Variants in MAPK10 observed in about 807,000 individuals in gnomAD.
The protein encoded by MAPK10 is mitogen-activated protein kinase 10.
Under a neutral mutation model 59.3 loss-of-function variants are expected in MAPK10, and 25 were observed. The ratio of observed to expected loss-of-function variants is 0.42; its 90% CI spans 0.31 to 0.59. The LOEUF is 0.59. MAPK10 is among the 20% of genes least tolerant of loss of function. The probability of loss-of-function intolerance (pLI) is 0.15; values close to 1 mark genes in which losing one functional copy is unlikely to be tolerated. For missense variants in MAPK10, 351 were observed against 568.9 expected, an observed-to-expected ratio of 0.62 and a Z score of 3.90; for synonymous variants, 190 against 200.5, an observed-to-expected ratio of 0.95 and a Z score of 0.44.
chr4:86,040,133 C>CA (rs1206887187), intron 11 of MAPK10, among the ~76,000 whole-genome samples: 2 of 151,684 alleles, frequency 1.3e-5, no homozygotes, highest in African/African-American at 4.8e-5. Context: ...CATAAACCAC[C>CA]AAAAAAATAC....
chr4:86,376,014 T>C (rs1739755484), intron 1 of MAPK10, among the ~76,000 whole-genome samples: 1 of 152,194 alleles, frequency 6.6e-6, no homozygotes, highest in South Asian at 2.1e-4. Context: ...CTATTCTGGG[T>C]ATTATCTCAT....
At chr4:86,465,501 T>A (rs1011806621) in intron 1 of MAPK10, among the ~76,000 whole-genome samples, 1 of 152,214 alleles carries the variant, frequency 6.6e-6, no homozygotes, top group African/African-American at 2.4e-5. Flanking sequence ...GAATCTAGCA[T>A]TAATAATTTT....
chr4:86,586,309 A>G (rs1392592735), intron 1 of MAPK10, among the ~76,000 whole-genome samples: 1 of 152,160 alleles, frequency 6.6e-6, no homozygotes, highest in Non-Finnish European at 1.5e-5. Flanking sequence ...ACACCCCTTT[A>G]GTACTACATA....
intron 1 of MAPK10, among the ~76,000 whole-genome samples, chr4:86,525,378 G>C (rs1467672047): frequency 6.6e-6 from 1 of 152,170 alleles, no homozygotes; most frequent in Non-Finnish European, 1.5e-5. Flanking sequence ...AGAGGGATGA[G>C]AGTGAGGAGG....
At chr4:86,442,854 C>T (rs982235462) in intron 1 of MAPK10, among the ~76,000 whole-genome samples, 19 of 152,224 alleles carry the variant, frequency 1.2e-4, no homozygotes, top group South Asian at 4.1e-4. Context: ...ATAAAAATAA[C>T]GCCACTGAGC....
At chr4:86,339,033 C>G (rs1219642804) in intron 2 of MAPK10, among the ~76,000 whole-genome samples, 4 of 152,134 alleles carry the variant, frequency 2.6e-5, no homozygotes, top group African/African-American at 7.2e-5. Context: ...GATTGAGAAT[C>G]TGAATCTGCT....
chr4:86,317,240 G>A (rs1335539275), intron 2 of MAPK10, among the ~76,000 whole-genome samples: 7 of 152,058 alleles, frequency 4.6e-5, no homozygotes, highest in African/African-American at 1.4e-4. Flanking sequence ...TTCTATTAGA[G>A]TCTCTCTCCT....
intron 1 of MAPK10, among the ~76,000 whole-genome samples, chr4:86,477,154 A>T (rs895693688): frequency 6.6e-6 from 1 of 151,674 alleles, no homozygotes; most frequent in Non-Finnish European, 1.5e-5. Flanking sequence ...TCCCCTTCTT[A>T]ATCAATACAG....
At chr4:86,405,790 ATC>A (rs1435863564) in intron 1 of MAPK10, among the ~76,000 whole-genome samples, 4 of 152,182 alleles carry the variant, frequency 2.6e-5, no homozygotes, top group African/African-American at 9.6e-5. Context: ...AAAGAGTAGA[ATC>A]TCTGTTTATA....
At chr4:86,149,613 A>G (rs1445499756) in intron 4 of MAPK10, among the ~76,000 whole-genome samples, 1 of 152,204 alleles carries the variant, frequency 6.6e-6, no homozygotes, top group African/African-American at 2.4e-5. Context: ...ACTAGAAAAG[A>G]CAGTTCCCTA....
chr4:86,084,646 AC>A (rs1355667486), intron 9 of MAPK10, among the ~76,000 whole-genome samples: 1 of 152,150 alleles, frequency 6.6e-6, no homozygotes, highest in Non-Finnish European at 1.5e-5. Flanking sequence ...GATTGGAAAA[AC>A]CAATATTGTT....
intron 6 of MAPK10, 108 bp from the exon 7 acceptor site, chr4:86,102,140 T>A: frequency 2.1e-6 from 2 of 974,318 alleles, no homozygotes; most frequent in Non-Finnish European, 3.2e-6. Flanking sequence ...ACTTCTTAGC[T>A]CTGCCTTTGA....
intron 4 of MAPK10, 32 bp from the exon 5 acceptor site, chr4:86,107,384 G>A: frequency 6.3e-7 from 1 of 1,590,910 alleles, no homozygotes; most frequent in Non-Finnish European, 8.5e-7. Context: ...TCAGAATTAA[G>A]AACAAAAGAT....
chr4:86,296,490 G>T (rs562507662), intron 2 of MAPK10, among the ~76,000 whole-genome samples: 139 of 152,250 alleles, frequency 9.1e-4, no homozygotes, highest in African/African-American at 3.2e-3. Flanking sequence ...TCACCCTTCT[G>T]ATAAAATGGA....
chr4:86,386,325 A>T (rs1741461672), intron 1 of MAPK10, among the ~76,000 whole-genome samples: 1 of 152,204 alleles, frequency 6.6e-6, no homozygotes, highest in Non-Finnish European at 1.5e-5. Context: ...AGTTAGCAGG[A>T]ATGCTCAGGT....
chr4:86,165,257 A>C (rs753266893), intron 3 of MAPK10, among the ~76,000 whole-genome samples: 6 of 152,188 alleles, frequency 3.9e-5, no homozygotes, highest in Admixed American at 1.3e-4. Context: ...TTGCTTCATG[A>C]TACCACTCCA....
intron 1 of MAPK10, among the ~76,000 whole-genome samples, chr4:86,464,892 A>G (rs545687795): frequency 1.5e-3 from 224 of 152,184 alleles, no homozygotes; most frequent in Non-Finnish European, 2.4e-3. Context: ...GGGACTTTTG[A>G]CTGCAGGGAA....
At chr4:86,290,474 G>C (rs2095186221) in intron 2 of MAPK10, among the ~76,000 whole-genome samples, 1 of 152,168 alleles carries the variant, frequency 6.6e-6, no homozygotes, top group Non-Finnish European at 1.5e-5. Context: ...AAGCCAATCT[G>C]CTCTCCCAGT....
chr4:86,279,814 C>G (rs576236283), intron 2 of MAPK10, among the ~76,000 whole-genome samples: 1 of 152,130 alleles, frequency 6.6e-6, no homozygotes, highest in Admixed American at 6.5e-5. Flanking sequence ...CCACACTCCC[C>G]GCAAGTGGAA....
Sources: allele counts gnomAD v4.1 joint callset (sites outside exome capture counted in the v4.1 genomes callset), GRCh38; gene constraint gnomAD v4.1.1; transcripts MANE v1.5; gene names NCBI Gene and HGNC (gene_info 2026-07-23, HGNC 2026-07-21).